FARP1: variants seen among roughly 807,000 people sequenced by gnomAD.
The protein encoded by FARP1 is FERM, ARHGEF and pleckstrin domain-containing protein 1.
In FARP1, 52 loss-of-function variants were observed where a neutral mutation model predicts 128.8. The observed-to-expected ratio is 0.40, with a 90% CI of 0.32 to 0.51. The LOEUF is 0.51. Among genes scored for constraint, FARP1 ranks in the 20% least tolerant of loss-of-function variants. The probability of loss-of-function intolerance (pLI) is 0.45; values close to 1 mark genes in which losing one functional copy is unlikely to be tolerated. For missense variants in FARP1, 1,333 were observed against 1,367.9 expected, an observed-to-expected ratio of 0.97 and a Z score of 0.40; for synonymous variants, 580 against 551.8, an observed-to-expected ratio of 1.05 and a Z score of -0.72.
intron 19 of FARP1, among the ~76,000 whole-genome samples, chr13:98,437,233 G>C (rs2139095053): frequency 6.6e-6 from 1 of 152,340 alleles, no homozygotes; most frequent in South Asian, 2.1e-4. Flanking sequence ...TGGCCGATCA[G>C]GTGATGATGG....
intron 2 of FARP1, among the ~76,000 whole-genome samples, chr13:98,300,825 T>C (rs1267260513): frequency 1.3e-5 from 2 of 152,120 alleles, no homozygotes; most frequent in Admixed American, 6.6e-5. Context: ...GGTCAGGCAC[T>C]GAGGCTTCTG....
At chr13:98,201,436 G>A (rs1175391114) in intron 1 of FARP1, among the ~76,000 whole-genome samples, 1 of 152,176 alleles carries the variant, frequency 6.6e-6, no homozygotes, top group Non-Finnish European at 1.5e-5. Flanking sequence ...GTGACAGAGC[G>A]AGACCCTGCC....
At chr13:98,274,178 C>G (rs971200488) in intron 2 of FARP1, among the ~76,000 whole-genome samples, 4 of 152,048 alleles carry the variant, frequency 2.6e-5, no homozygotes, top group Non-Finnish European at 5.9e-5. Context: ...GTTATTTTGT[C>G]TGTGTGATTG....
chr13:98,351,429 G>A (rs559436976), intron 3 of FARP1, among the ~76,000 whole-genome samples: 8 of 152,188 alleles, frequency 5.3e-5, no homozygotes, highest in African/African-American at 1.9e-4. Flanking sequence ...TGGCTAACAG[G>A]GTGAAACCCC....
chr13:98,215,530 A>T (rs1351896915), intron 2 of FARP1, among the ~76,000 whole-genome samples: 1 of 152,200 alleles, frequency 6.6e-6, no homozygotes, highest in Non-Finnish European at 1.5e-5. Context: ...TTTATACTAT[A>T]TGAGAATAAA....
chr13:98,365,416 C>T lies in FARP1; in HGVS notation c.298C>T (p.Pro100Ser). Residue 100 changes from proline (P) to serine (S), a missense_variant, in exon 4 of 27, where the codon CCC becomes TCC. This residue lies in a region of FARP1 where 324 missense variants were observed against 398.1 expected (regional missense o/e 0.81). Transcript: ENST00000319562. ...KITVWLDLLK[P>S]IVKQIRRPKH... Reference sequence around the variant, plus strand: ...CTAGGTGTGGCTGGATCTCCTAAAACCCATTGTGAAACAGATTAGAAGTGA... The same window carrying T: ...CTAGGTGTGGCTGGATCTCCTAAAATCCATTGTGAAACAGATTAGAAGTGA... The T allele has an allele frequency of 6.2e-7, 1 of 1,610,092 alleles. No individual in the cohort carries two copies. Among genetic ancestry groups the T allele is most frequent in the Non-Finnish European group, 8.5e-7 (1 of 1,176,526 alleles).
chr13:98,395,129 C>T, intron 12 of FARP1, 98 bp from the exon 13 acceptor site: 1 of 1,435,898 alleles, frequency 7.0e-7, no homozygotes. Flanking sequence ...GCAGAGGCCT[C>T]GGGTGTTCTT....
intron 2 of FARP1, among the ~76,000 whole-genome samples, chr13:98,259,885 G>GTGTGTGTGTGTGTGTGTT (rs1400016585): frequency 4.4e-5 from 6 of 137,374 alleles, no homozygotes; most frequent in Non-Finnish European, 9.2e-5. Flanking sequence ...CCTGAAAAGT[G>GTGTGTGTGTGTGTGTGTT]TGTGTGTGTG....
chr13:98,200,851 G>A (rs1294499707), intron 1 of FARP1, among the ~76,000 whole-genome samples: 1 of 152,110 alleles, frequency 6.6e-6, no homozygotes, highest in Non-Finnish European at 1.5e-5. Flanking sequence ...GGCTAGAGAA[G>A]TGTTTTTTTT....
chr13:98,346,544 A>T (rs926588619), intron 3 of FARP1, among the ~76,000 whole-genome samples: 2 of 151,570 alleles, frequency 1.3e-5, no homozygotes, highest in African/African-American at 4.8e-5. Context: ...CAGGAGTTTG[A>T]TACCAGCCTG....
rs1455810800 is a variant in FARP1 at position 98,299,884 on chromosome 13, A to G, written c.172-43878A>G. Among the ~76,000 whole-genome samples, 7 of 152,216 alleles carry G rather than the reference A, an allele frequency of 4.6e-5. No individual in the cohort carries two copies. In the East Asian group the frequency reaches 9.6e-4, roughly 21 times the overall value. ...TATTTTAAAATAGTTTTTTGTTTCT[A>G]TGTTTTTGGATGCTTTCTGCCTCCC... On this transcript the variant is annotated intron_variant, in intron 2 of 26. Transcript: ENST00000319562.
intron 16 of FARP1, among the ~76,000 whole-genome samples, chr13:98,419,146 A>G (rs774006554): frequency 2.0e-5 from 3 of 152,160 alleles, no homozygotes; most frequent in Non-Finnish European, 2.9e-5. Flanking sequence ...TGAAAAATCC[A>G]CATATATCAC....
chr13:98,191,064 C>T (rs193262364), intron 1 of FARP1, among the ~76,000 whole-genome samples: 1 of 152,290 alleles, frequency 6.6e-6, no homozygotes, highest in East Asian at 1.9e-4. Flanking sequence ...CGCAACGTGG[C>T]CAGGACCTTT....
intron 16 of FARP1, among the ~76,000 whole-genome samples, chr13:98,417,342 G>C (rs762545301): frequency 6.7e-6 from 1 of 149,900 alleles, no homozygotes; most frequent in Non-Finnish European, 1.5e-5. Context: ...AAGAGGAAAA[G>C]AGAGCTGAGG....
chr13:98,186,622 A>G (rs968551612), intron 1 of FARP1, among the ~76,000 whole-genome samples: 1 of 152,190 alleles, frequency 6.6e-6, no homozygotes, highest in African/African-American at 2.4e-5. Flanking sequence ...AAGGCTGCGT[A>G]ATAATCCATT....
rs528747400 is a variant in FARP1, at chr13:98,170,711, C to T, written c.-24+27219C>T. On this transcript the variant is annotated intron_variant, in intron 1 of 26. Coordinates refer to ENST00000319562, the MANE Select transcript of FARP1 (RefSeq NM_005766.4). Reference sequence around the variant, plus strand: ...TTTACCATGTTGGTCAGGCTGGTCTCGAACTCCTGATCTCAAGTGATCTGC... The same window carrying T: ...TTTACCATGTTGGTCAGGCTGGTCTTGAACTCCTGATCTCAAGTGATCTGC... Among the ~76,000 whole-genome samples, 10 of 152,086 alleles carry T rather than the reference C, an allele frequency of 6.6e-5. No homozygotes were observed. The South Asian group carries it at 1.7e-3, about 25-fold the overall frequency.
chr13:98,359,492 G>A (rs1888776506), intron 3 of FARP1, among the ~76,000 whole-genome samples: 1 of 152,236 alleles, frequency 6.6e-6, no homozygotes, highest in African/African-American at 2.4e-5. Context: ...CAGCTTTGGG[G>A]ATAGTGATTC....
At chr13:98,344,211 C>A (rs1888085772) in intron 3 of FARP1, among the ~76,000 whole-genome samples, 1 of 152,096 alleles carries the variant, frequency 6.6e-6, no homozygotes, top group Non-Finnish European at 1.5e-5. Context: ...TGGAATAGGA[C>A]CAGACTGGAG....
chr13:98,390,748 T>C, intron 10 of FARP1, 64 bp from the exon 11 acceptor site: 7 of 1,208,886 alleles, frequency 5.8e-6, no homozygotes, highest in Non-Finnish European at 8.6e-6. Context: ...TGAAGCATCA[T>C]TTGTGTGTTT....
Sources: allele counts gnomAD v4.1 joint callset (sites outside exome capture counted in the v4.1 genomes callset), GRCh38; gene constraint gnomAD v4.1.1; regional missense constraint gnomAD v4.1.1; transcripts MANE v1.5; gene names NCBI Gene and HGNC (gene_info 2026-07-23, HGNC 2026-07-21).